Variants in KRT35 observed in about 807,000 individuals in gnomAD.
KRT35 encodes the protein keratin, type I cuticular Ha5.
In KRT35, 33 loss-of-function variants were observed where a neutral mutation model predicts 42.2. The observed-to-expected ratio is 0.78, with a 90% confidence interval of 0.59 to 1.05. The LOEUF (loss-of-function observed/expected upper bound fraction) is 1.05. KRT35 is among the 50% of genes least tolerant of loss of function. The pLI is 0.00. For missense variants in KRT35, 585 were observed against 589.2 expected (o/e 0.99, Z 0.07); for synonymous variants, 218 against 238.2 (o/e 0.92, Z 0.78).
intron 6 of KRT35, 136 bp downstream of exon 6, chr17:41,477,382 G>T: frequency 7.4e-7 from 1 of 1,355,174 alleles, no homozygotes; most frequent in Non-Finnish European, 1.0e-6. Context: ...GTCACGTGAT[G>T]AGTTTTCAGG....
Position 41,477,574 on chromosome 17 carries a change from G to A in KRT35, c.1164C>T (p.Ala388=). The change falls in exon 6 of 7, where the codon GCC becomes GCT. Residue 388 remains alanine (A), a synonymous_variant. Coordinates refer to ENST00000246639, the MANE Select transcript of KRT35 (RefSeq NM_002280.6). Reference sequence around the variant, plus strand: ...ACGTGTTGATCTCACACTCCAGCCGGGCCCGGACGTCCAGCAGCACCTGGT... The same window carrying A: ...ACGTGTTGATCTCACACTCCAGCCGAGCCCGGACGTCCAGCAGCACCTGGT... ...QEYQVLLDVR[A]RLECEINTYR... 6.2e-7 allele frequency: 1 copy of A among 1,613,616 alleles called. No homozygotes were observed. Among genetic ancestry groups the A allele is most frequent in the East Asian group, 2.2e-5 (1 of 44,826 alleles).
intron 3 of KRT35, 104 bp from the exon 4 acceptor site, chr17:41,479,099 C>A: frequency 8.4e-7 from 1 of 1,195,876 alleles, no homozygotes; most frequent in Non-Finnish European, 1.2e-6. Flanking sequence ...TCCTAATGCT[C>A]ACCTCCTCCC....
chr17:41,480,843 C>T lies in KRT35; in HGVS notation c.255G>A (p.Gly85=), dbSNP rs371261817. ...GGFATSYSGG[G]GWFGEGILTG... ...TGAGGATGCCCTCCCCAAACCAGCC[C>T]CCACCCCCACTGTAGCTGGTAGCGA... Residue 85 remains glycine (G), a synonymous_variant, in exon 1 of 7, where the codon GGG becomes GGA. Coordinates refer to ENST00000246639, the MANE Select transcript of KRT35 (RefSeq NM_002280.6). 1.2e-6 allele frequency: 2 copies of T among 1,614,008 alleles called. No individual in the cohort carries two copies. Among genetic ancestry groups the T allele is most frequent in the Non-Finnish European group, 1.7e-6 (2 of 1,180,006 alleles).
rs565737703 is a variant in KRT35, at chr17:41,477,291, C to A, written c.1221-88G>T. The A allele has an allele frequency of 6.7e-5, 100 of 1,498,242 alleles. No individual in the cohort carries two copies. The South Asian group carries it at 1.1e-3, about 16-fold the overall frequency. The allele number at this position is 1,498,242 out of a possible 1,614,324, so 92.8% of individuals were successfully genotyped here. A position where few individuals can be genotyped will look rare whatever the true frequency, so the allele number is the denominator to read the frequency against. ...ATCCTAGACTATGCAAACTGGGAAGCACCCTAAAAACCACCTTGATCCTGC... is the reference window on the plus strand; with the variant it reads ...ATCCTAGACTATGCAAACTGGGAAGAACCCTAAAAACCACCTTGATCCTGC... On this transcript the variant is annotated intron_variant, in intron 6 of 6. Coordinates refer to ENST00000246639, the MANE Select transcript of KRT35 (RefSeq NM_002280.6).
chr17:41,478,279 T>C lies in KRT35; in HGVS notation c.999+82A>G, dbSNP rs192245368. The C allele has an allele frequency of 4.3e-5, 65 of 1,502,764 alleles. No homozygotes were observed. In the Middle Eastern group the frequency reaches 9.7e-4, roughly 23 times the overall value. The allele number at this position is 1,502,764 out of a possible 1,614,324, so 93.1% of individuals were successfully genotyped here. A position where few individuals can be genotyped will look rare whatever the true frequency, so the allele number is the denominator to read the frequency against. On this transcript the variant is annotated intron_variant, in intron 5 of 6. Transcript: ENST00000246639. ...AACATGGACCCCTGGAGTCCGCCTG[T>C]GTGGTCAAAGCATGGAAGCTGGGGA...
intron 1 of KRT35, 143 bp downstream of exon 1, chr17:41,480,484 C>G: frequency 1.5e-6 from 1 of 667,748 alleles, no homozygotes; most frequent in Non-Finnish European, 2.6e-6. Context: ...ATACCTCCCT[C>G]TTAAGGTTAT....
chr17:41,477,775 T>C (rs1409758229), intron 5 of KRT35, 37 bp from the exon 6 acceptor site: 1 of 1,589,560 alleles, frequency 6.3e-7, no homozygotes, highest in Non-Finnish European at 8.6e-7. Context: ...GGAAAAAGGC[T>C]AGAGGTCAGA....
At position 41,477,036 on chromosome 17, in the gene KRT35, G is replaced by T. The variant is rs1356810635; in HGVS notation, c.*20C>A. 1 of 1,540,238 alleles carries T rather than the reference G, an allele frequency of 6.5e-7. No individual in the cohort carries two copies. Among genetic ancestry groups the T allele is most frequent in the South Asian group, 1.3e-5 (1 of 77,568 alleles). On this transcript the variant is annotated 3_prime_UTR_variant, in exon 7 of 7. Transcript: ENST00000246639. The stretch of plus-strand genomic sequence containing the variant: ...TCAAGCCCTGGAGACAATAGCCATG[G>T]CCATCTGGGTCACCCGCTCTCAGAA...
At position 41,477,061 on chromosome 17, in the gene KRT35, A is replaced by G. The variant is rs1259785911; in HGVS notation, c.1363T>C (p.Phe455Leu). 1 of 1,565,522 alleles carries G rather than the reference A, an allele frequency of 6.4e-7. No homozygotes were observed. Among genetic ancestry groups the G allele is most frequent in the East Asian group, 2.2e-5 (1 of 44,488 alleles). ...PICVPCPGGRF is the reference protein window; with the variant it reads ...PICVPCPGGRL ...GCCATCTGGGTCACCCGCTCTCAGA[A>G]CCGACCCCCTGGGCAGGGCACACAA... Residue 455 changes from phenylalanine to leucine, a missense_variant, in exon 7 of 7, where the codon TTC becomes CTC. Coordinates refer to ENST00000246639, the MANE Select transcript of KRT35 (RefSeq NM_002280.6).
At chr17:41,478,714 GT>G in intron 4 of KRT35, 119 bp downstream of exon 4, 2 of 1,195,138 alleles carry the variant, frequency 1.7e-6, no homozygotes, top group South Asian at 1.5e-5. Context: ...TTTTGACCTT[GT>G]CAGCAAGGTC....
chr17:41,479,216 A>G (rs554090626), intron 3 of KRT35, 131 bp downstream of exon 3: 23 of 1,082,998 alleles, frequency 2.1e-5, no homozygotes, highest in South Asian at 2.0e-4. Flanking sequence ...CCTCTTCCCT[A>G]TGCACACCTG....
rs2019179060 is a variant in KRT35, at chr17:41,476,972, G to A, written c.*84C>T. On this transcript the variant is annotated 3_prime_UTR_variant, in exon 7 of 7. Transcript: ENST00000246639. ...GCCTGGGCTCTGCGCGAAGAGAGGG[G>A]ATTGGGCTACAAGGGTTAAGTTTGG... The A allele has an allele frequency of 2.3e-6, 3 of 1,322,596 alleles. No individual in the cohort carries two copies. The highest frequency in any genetic ancestry group is 2.5e-5 in the Admixed American group (1 of 40,312). The allele number at this position is 1,322,596 out of a possible 1,614,324, so 81.9% of individuals were successfully genotyped here.
chr17:41,476,876 C>T lies in KRT35; in HGVS notation c.*180G>A, dbSNP rs746031961. On this transcript the variant is annotated 3_prime_UTR_variant, in exon 7 of 7. Transcript: ENST00000246639. Reference sequence around the variant, plus strand: ...AGGAGTTGAGACCTTTGGGGGCAGCCGGCCTTTGTGACAGGCTCTGAGAAA... The same window carrying T: ...AGGAGTTGAGACCTTTGGGGGCAGCTGGCCTTTGTGACAGGCTCTGAGAAA... The T allele has an allele frequency of 8.8e-6, 5 of 570,988 alleles. No individual in the cohort carries two copies. The highest frequency in any genetic ancestry group is 5.9e-5 in the South Asian group (2 of 33,638). 35.4% of individuals were successfully genotyped at this position (570,988 alleles called of 1,614,324 possible).
At chr17:41,478,233 A>C in intron 5 of KRT35, 128 bp downstream of exon 5, 3 of 995,556 alleles carry the variant, frequency 3.0e-6, no homozygotes, top group Non-Finnish European at 4.3e-6. Flanking sequence ...TTTTCTGCAT[A>C]GAGAACCCCT....
In KRT35 at chr17:41,479,522, G is replaced by C; in HGVS notation, c.555-19C>G. On this transcript the variant is annotated intron_variant, in intron 2 of 6. Coordinates refer to ENST00000246639, the MANE Select transcript of KRT35 (RefSeq NM_002280.6). ...CTCATACCTGCAGGCATAGAACAGG[G>C]CACCTGAGTCTGCATTTCCTTTTTG... 1 of 1,609,736 alleles carries C rather than the reference G, an allele frequency of 6.2e-7. No individual in the cohort carries two copies. The highest frequency in any genetic ancestry group is 8.5e-7 in the Non-Finnish European group (1 of 1,176,836).
In KRT35 at chr17:41,481,023, G is replaced by A. The variant is rs2019246475; in HGVS notation, c.75C>T (p.Ser25=). 3 of 1,613,932 alleles carry A rather than the reference G, an allele frequency of 1.9e-6. No individual in the cohort carries two copies. Among genetic ancestry groups the A allele is most frequent in the Non-Finnish European group, 1.7e-6 (2 of 1,180,026 alleles). ...TGGAGTACATTGCGGACACACGAGT[G>A]GAGCCCCCACTGGCCCCTCCTGGGC... ...LKSPGGASGG[S]TRVSAMYSSS... The change falls in exon 1 of 7, where the codon TCC becomes TCT. Residue 25 remains serine (S), a synonymous_variant. Transcript: ENST00000246639.
At chr17:41,478,245 G>A (rs1567706103) in intron 5 of KRT35, 116 bp downstream of exon 5, 4 of 1,127,556 alleles carry the variant, frequency 3.5e-6, no homozygotes, top group Non-Finnish European at 3.7e-6. Context: ...AGAACCCCTG[G>A]TGCTCAAGAA....
chr17:41,478,590 T>A (rs2019212759), intron 4 of KRT35, 104 bp from the exon 5 acceptor site: 1 of 1,384,136 alleles, frequency 7.2e-7, no homozygotes, highest in Admixed American at 2.0e-5. Context: ...CATTCCCGAT[T>A]CCCCAGTCCC....
intron 6 of KRT35, 83 bp from the exon 7 acceptor site, chr17:41,477,286 G>A: frequency 2.0e-6 from 3 of 1,512,150 alleles, no homozygotes; most frequent in Non-Finnish European, 2.7e-6. Flanking sequence ...ATGCAAACTG[G>A]GAAGCACCCT....
Sources: allele counts gnomAD v4.1 joint callset, GRCh38; gene constraint gnomAD v4.1.1; transcripts MANE v1.5; gene names NCBI Gene and HGNC (gene_info 2026-07-23, HGNC 2026-07-21).